The following ACSBG1 variants were observed in gnomAD, a reference collection of about 807,000 sequenced individuals.
ACSBG1 encodes the protein long-chain-fatty-acid--CoA ligase ACSBG1.
A neutral mutation model predicts 80.2 loss-of-function variants in ACSBG1; 39 were observed. That is an observed-to-expected ratio of 0.49 (90% CI 0.38 to 0.64). The LOEUF (loss-of-function observed/expected upper bound fraction) is 0.64. Ranked by LOEUF, ACSBG1 falls within the 30% of genes least tolerant of loss-of-function variation. The pLI is 0.00. For missense variants in ACSBG1, 828 were observed against 966.4 expected, an observed-to-expected ratio of 0.86 and a Z score of 1.90; for synonymous variants, 392 against 379.5, an observed-to-expected ratio of 1.03 and a Z score of -0.38.
chr15:78,182,534 A>C lies in ACSBG1; in HGVS notation c.826T>G (p.Cys276Gly). 6.2e-7 allele frequency: 1 copy of C among 1,614,042 alleles called. No individual in the cohort carries two copies. Among genetic ancestry groups the C allele is most frequent in the Non-Finnish European group, 8.5e-7 (1 of 1,179,994 alleles). The change falls in exon 7 of 14, where the codon TGC becomes GGC. Residue 276 changes from cysteine to glycine, a missense_variant. Cys to Gly is a radical substitution (Grantham distance 159). Transcript: ENST00000258873. ...AIIDTQQPNQ[C>G]CVLVYTSGTT... ...CCGGAAGTGTAGACTAGCACACAGCACTGGTTGGGCTGCTGGGTGTCAATG... is the reference window on the plus strand; with the variant it reads ...CCGGAAGTGTAGACTAGCACACAGCCCTGGTTGGGCTGCTGGGTGTCAATG...
rs537186662 is a variant in ACSBG1, at chr15:78,170,432, T to A, written c.*1012A>T. 1 of 152,270 alleles carries A rather than the reference T, an allele frequency of 6.6e-6. No individual in the cohort carries two copies. Among genetic ancestry groups the A allele is most frequent in the Non-Finnish European group, 1.5e-5 (1 of 68,020 alleles). 9.4% of individuals were successfully genotyped at this position (152,270 alleles called of 1,614,324 possible). The stretch of plus-strand genomic sequence containing the variant: ...GCTTGTAACCGCCCCCCCAGACTTA[T>A]AATCTTAAATGTATTTTCCTTTGTT... On this transcript the variant is annotated 3_prime_UTR_variant, in exon 14 of 14. Coordinates refer to ENST00000258873, the MANE Select transcript of ACSBG1 (RefSeq NM_015162.5).
chr15:78,174,322 C>T, intron 12 of ACSBG1, 63 bp downstream of exon 12: 1 of 1,609,812 alleles, frequency 6.2e-7, no homozygotes, highest in Non-Finnish European at 8.5e-7. Flanking sequence ...GTGGCTTCTG[C>T]CAGCCAGACC....
chr15:78,215,422 C>T (rs1382795163), intron 1 of ACSBG1, among the ~76,000 whole-genome samples: 2 of 152,050 alleles, frequency 1.3e-5, no homozygotes, highest in Non-Finnish European at 2.9e-5. Context: ...TTTGGGAGGC[C>T]GAGGCGGGTG....
At chr15:78,209,026 C>A in intron 1 of ACSBG1, 1 of 403,538 alleles carries the variant, frequency 2.5e-6, no homozygotes, top group South Asian at 1.8e-5. Flanking sequence ...AGCATGCAAC[C>A]TGTGCAGCTG....
chr15:78,224,045 A>G (rs574074667), intron 1 of ACSBG1, among the ~76,000 whole-genome samples: 1 of 152,294 alleles, frequency 6.6e-6, no homozygotes, highest in Admixed American at 6.5e-5. Flanking sequence ...ACCGAAACCA[A>G]TTTTGAACTT....
chr15:78,190,843 T>G (rs1227667979), intron 5 of ACSBG1, among the ~76,000 whole-genome samples: 1 of 151,222 alleles, frequency 6.6e-6, no homozygotes, highest in Non-Finnish European at 1.5e-5. Flanking sequence ...CCACTGAAGA[T>G]CAAATGGAAG....
chr15:78,201,232 C>T (rs1242971761), intron 2 of ACSBG1, among the ~76,000 whole-genome samples: 1 of 152,198 alleles, frequency 6.6e-6, no homozygotes, highest in East Asian at 1.9e-4. Flanking sequence ...CAGCAGAGGC[C>T]AGGGGCCTCT....
At chr15:78,216,091 A>G (rs2075310142) in intron 1 of ACSBG1, among the ~76,000 whole-genome samples, 1 of 152,230 alleles carries the variant, frequency 6.6e-6, no homozygotes. Context: ...ATGGACTGTC[A>G]TGAAATAAAA....
At chr15:78,201,862 A>C (rs11072741) in intron 2 of ACSBG1, among the ~76,000 whole-genome samples, 107,104 of 151,984 alleles carry the variant, frequency 0.7, 37,897 homozygotes, top group Admixed American at 0.79. Context: ...CGACCCCGAC[A>C]ACATGCATGA....
At chr15:78,226,980 G>T (rs1357226855) in intron 1 of ACSBG1, among the ~76,000 whole-genome samples, 1 of 150,734 alleles carries the variant, frequency 6.6e-6, no homozygotes, top group Non-Finnish European at 1.5e-5. Context: ...AGCACTCTGG[G>T]AGGCCGAGGA....
At position 78,173,673 on chromosome 15, in the gene ACSBG1, A is replaced by T. The variant is rs138623700; in HGVS notation, c.2009T>A (p.Met670Lys). The stretch of plus-strand genomic sequence containing the variant: ...GTGGTAGGGCCGGGCCGCCGCGTTC[A>T]TGTTGACCCTCCGGATCCCCTCTTC... ...AIEEGIRRVN[M>K]NAAARPYHIQ... The change falls in exon 13 of 14, where the codon ATG becomes AAG. Residue 670 changes from methionine to lysine, a missense_variant. Around this residue, in one of 3 missense-constraint regions of ACSBG1, gnomAD observed 201 missense variants for 227.0 expected, o/e 0.89. Coordinates refer to ENST00000258873, the MANE Select transcript of ACSBG1 (RefSeq NM_015162.5). 30 of 1,614,122 alleles carry T rather than the reference A, an allele frequency of 1.9e-5. No homozygotes were observed. Among genetic ancestry groups the T allele is most frequent in the Non-Finnish European group, 2.3e-5 (27 of 1,180,044 alleles).
In ACSBG1 at chr15:78,208,025, T is replaced by C. The variant is rs2075232360; in HGVS notation, c.209A>G (p.Asn70Ser). 6.2e-7 allele frequency: 1 copy of C among 1,609,560 alleles called. No individual in the cohort carries two copies. Reference protein sequence around the residue: ...ALELSVPEKVNNAQWDAPEEA... With the variant: ...ALELSVPEKVSNAQWDAPEEA... ...ACCTGGAGCATCCCACTGGGCATTATTCACCTTCTCTGGCACTGAGAGCTC... is the reference window on the plus strand; with the variant it reads ...ACCTGGAGCATCCCACTGGGCATTACTCACCTTCTCTGGCACTGAGAGCTC... Residue 70 changes from asparagine (N) to serine (S), a missense_variant, in exon 2 of 14, where the codon AAT becomes AGT. By Grantham distance (46) the Asn-to-Ser change is conservative. This residue lies in a region of ACSBG1 where 356 missense variants were observed against 363.5 expected (regional missense o/e 0.98). Coordinates refer to ENST00000258873, the MANE Select transcript of ACSBG1 (RefSeq NM_015162.5).
At chr15:78,193,858 G>C (rs984474801) in intron 4 of ACSBG1, 74 bp downstream of exon 4, 1 of 1,550,348 alleles carries the variant, frequency 6.5e-7, no homozygotes, top group Admixed American at 1.8e-5. Flanking sequence ...CTGCTAAAAA[G>C]AGATAAGGAC....
intron 11 of ACSBG1, chr15:78,174,873 C>T (rs2074867499): frequency 2.9e-6 from 1 of 344,078 alleles, no homozygotes; most frequent in Non-Finnish European, 5.5e-6. Context: ...TAACTACCAT[C>T]CCTGTCACTC....
At chr15:78,211,171 G>A (rs2075263600) in intron 1 of ACSBG1, among the ~76,000 whole-genome samples, 1 of 152,228 alleles carries the variant, frequency 6.6e-6, no homozygotes, top group Non-Finnish European at 1.5e-5. Context: ...CTCCTCAAAA[G>A]CATTTTGGGC....
Position 78,174,478 on chromosome 15 carries a change from G to T in ACSBG1, c.1749C>A (p.Ile583=). Residue 583 remains isoleucine, a synonymous_variant, in exon 12 of 14, where the codon ATC becomes ATA. Transcript: ENST00000258873. ...GCAGCTCCATCTTCACGGCCTCCTC[G>T]ATGGGCACAGGGGGCACATTCTCCC... ...AGGENVPPVP[I]EEAVKMELPI... is the part of the protein sequence containing the mutation. 6.2e-7 allele frequency: 1 copy of T among 1,614,168 alleles called. No individual in the cohort carries two copies. The highest frequency in any genetic ancestry group is 1.1e-5 in the South Asian group (1 of 91,078).
chr15:78,193,410 T>C (rs1360089725), intron 5 of ACSBG1, 96 bp downstream of exon 5: 1 of 1,514,214 alleles, frequency 6.6e-7, no homozygotes, highest in Non-Finnish European at 8.9e-7. Flanking sequence ...ATGAGGACAC[T>C]CTGGATGGAG....
chr15:78,221,732 C>A (rs968912104), intron 1 of ACSBG1, among the ~76,000 whole-genome samples: 2 of 152,118 alleles, frequency 1.3e-5, no homozygotes, highest in Non-Finnish European at 2.9e-5. Context: ...GGGCAGAGGT[C>A]CCTGCGGCTT....
At chr15:78,222,383 G>T (rs539596922) in intron 1 of ACSBG1, among the ~76,000 whole-genome samples, 5 of 152,330 alleles carry the variant, frequency 3.3e-5, no homozygotes, top group African/African-American at 1.2e-4. Context: ...AGGTTGTAAG[G>T]CTGGATGTGG....
Sources: allele counts gnomAD v4.1 joint callset (sites outside exome capture counted in the v4.1 genomes callset), GRCh38; gene constraint gnomAD v4.1.1; regional missense constraint gnomAD v4.1.1; transcripts MANE v1.5; gene names NCBI Gene and HGNC (gene_info 2026-07-23, HGNC 2026-07-21).